POMGNT1: variants seen among roughly 807,000 people sequenced by gnomAD.
POMGNT1 encodes protein O-linked-mannose beta-1,2-N-acetylglucosaminyltransferase 1.
A neutral mutation model predicts 95.6 loss-of-function variants in POMGNT1; 67 were observed. The ratio of observed to expected loss-of-function variants is 0.70; its 90% CI spans 0.58 to 0.86. The LOEUF is 0.86. Among genes scored for constraint, POMGNT1 ranks in the 40% least tolerant of loss-of-function variants. The pLI is 0.00. For synonymous variants in POMGNT1, 298 were observed against 317.9 expected, an observed-to-expected ratio of 0.94 and a Z score of 0.66; for missense variants, 719 against 855.2, an observed-to-expected ratio of 0.84 and a Z score of 1.99.
upstream of POMGNT1, among the ~76,000 whole-genome samples, chr1:46,201,004 G>T (rs1211191084): frequency 6.6e-6 from 1 of 152,132 alleles, no homozygotes; most frequent in Non-Finnish European, 1.5e-5. Flanking sequence ...TGTGGCAGGT[G>T]CCTGTAATTC....
Position 46,189,100 on chromosome 1 carries a change from G to A in POMGNT1, c.*170C>T. 1 of 1,500,932 alleles carries A rather than the reference G, an allele frequency of 6.7e-7. No homozygotes were observed. The highest frequency in any genetic ancestry group is 8.9e-7 in the Non-Finnish European group (1 of 1,129,204). 93.0% of individuals were successfully genotyped at this position (1,500,932 alleles called of 1,614,324 possible). On this transcript the variant is annotated 3_prime_UTR_variant, in exon 22 of 22. Transcript: ENST00000371984. ...TAAATAGACTTTTAACTCAGGAACGGGGTGTTGGAGCAGGGGAACCCTCCC... is the reference window on the plus strand; with the variant it reads ...TAAATAGACTTTTAACTCAGGAACGAGGTGTTGGAGCAGGGGAACCCTCCC...
intron 6 of POMGNT1, chr1:46,195,563 C>G: frequency 1.8e-6 from 1 of 554,620 alleles, no homozygotes; most frequent in Non-Finnish European, 3.3e-6. Flanking sequence ...GGAATATAAG[C>G]TCCATGAGGG....
intron 19 of POMGNT1, 105 bp from the exon 20 acceptor site, chr1:46,190,094 GTTCTT>G: frequency 1.3e-6 from 1 of 768,262 alleles, no homozygotes; most frequent in Non-Finnish European, 2.0e-6. Flanking sequence ...CCACCTTGAA[GTTCTT>G]TTTTTTTTTT....
exon 1 of POMGNT1, chr1:46,220,100 G>T (rs1193685004): frequency 6.2e-7 from 1 of 1,614,106 alleles, no homozygotes; most frequent in African/African-American, 1.3e-5. Context: ...CTGTGTGGAA[G>T]CCCCCAGGGG....
At chr1:46,191,940 C>G (rs545415482) in intron 17 of POMGNT1, 158 bp downstream of exon 17, 1 of 1,263,630 alleles carries the variant, frequency 7.9e-7, no homozygotes, top group Non-Finnish European at 1.1e-6. Flanking sequence ...AGCCCTTTAT[C>G]CTCATTTTTC....
Position 46,190,503 on chromosome 1 carries a change from GCTT to G in POMGNT1, c.1616_1618del (p.Glu539del). 6.2e-7 allele frequency: 1 copy of G among 1,607,198 alleles called. No homozygotes were observed. Among genetic ancestry groups the G allele is most frequent in the South Asian group, 1.1e-5 (1 of 90,946 alleles). The stretch of plus-strand genomic sequence containing the variant: ...CAGCCTGTGAACTTCCACTTCATAA[GCTT>G]CTTTCTTCAGACTGAAGAGGAGGGA... On this transcript the variant is annotated inframe_deletion, in exon 19 of 22. Transcript: ENST00000371984.
Position 46,192,178 on chromosome 1 carries a change from C to T in POMGNT1, c.1459G>A (p.Gly487Ser), listed in dbSNP as rs1018248460. 4 of 1,614,038 alleles carry T rather than the reference C, an allele frequency of 2.5e-6. No individual in the cohort carries two copies. The highest frequency in any genetic ancestry group is 3.4e-6 in the Non-Finnish European group (4 of 1,180,024). The change falls in exon 17 of 22, where the codon GGC becomes AGC. Residue 487 changes from glycine to serine, a missense_variant. By Grantham distance (56) the Gly-to-Ser change is moderately conservative (BLOSUM62 0). Around this residue, in one of 5 missense-constraint regions of POMGNT1, gnomAD observed 118 missense variants for 153.6 expected, o/e 0.77. Transcript: ENST00000371984. ...ACGTCAGGGATGATGCACTCTCGGC[C>T]CCGGCGTTGTTCAGGCATCCGCATC... ...MWMRMPEQRRGRECIIPDVSR... is the reference protein window; with the variant it reads ...MWMRMPEQRRSRECIIPDVSR...
chr1:46,190,416 G>A, intron 19 of POMGNT1, 57 bp downstream of exon 19: 1 of 1,518,146 alleles, frequency 6.6e-7, no homozygotes. Flanking sequence ...ATGGGGCCAA[G>A]ATCCCCAGTA....
At chr1:46,195,780 T>G in intron 6 of POMGNT1, 31 bp downstream of exon 6, 1 of 1,549,902 alleles carries the variant, frequency 6.5e-7, no homozygotes, top group Non-Finnish European at 8.8e-7. Flanking sequence ...AGCTAGGGAG[T>G]AGGGGTCAGG....
At chr1:46,207,948 A>G (rs2148239737) in intron 1 of POMGNT1, among the ~76,000 whole-genome samples, 1 of 151,270 alleles carries the variant, frequency 6.6e-6, no homozygotes, top group South Asian at 2.1e-4. Flanking sequence ...GCTCACTGCA[A>G]CCTCTGCCTC....
In POMGNT1 at chr1:46,190,185, C is replaced by T. The variant is rs187191355; in HGVS notation, c.1650-196G>A. 1.6e-3 allele frequency: 1,096 copies of T among 696,086 alleles called. 12 individuals are homozygous for T. Among genetic ancestry groups the T allele is most frequent in the African/African-American group, 0.013 (727 of 54,878 alleles). 43.1% of individuals were successfully genotyped at this position (696,086 alleles called of 1,614,324 possible). On this transcript the variant is annotated intron_variant, in intron 19 of 21. Transcript: ENST00000371984. The stretch of plus-strand genomic sequence containing the variant: ...TCAGCCTCCCAAGTAGCTGGGACTA[C>T]AGGCGCCTGCCACCACGCCCGGCTA...
intron 2 of POMGNT1, 92 bp downstream of exon 2, chr1:46,197,610 G>A (rs1658347060): frequency 4.4e-6 from 7 of 1,588,496 alleles, no homozygotes; most frequent in Non-Finnish European, 6.0e-6. Flanking sequence ...TTTCCCACTG[G>A]GGCTGGCCAA....
chr1:46,196,177 C>T lies in POMGNT1; in HGVS notation c.355-100G>A. 1 of 1,585,238 alleles carries T rather than the reference C, an allele frequency of 6.3e-7. No individual in the cohort carries two copies. Among genetic ancestry groups the T allele is most frequent in the Non-Finnish European group, 8.6e-7 (1 of 1,168,428 alleles). ...ACACCAGCTGCTTGAAACATCACCT[C>T]CTGCCTATGTTTCTGTTCACACAGT... On this transcript the variant is annotated intron_variant, in intron 4 of 21. Transcript: ENST00000371984. The surrounding 1 kb of genome is among the most constrained non-coding windows in gnomAD (Gnocchi z 4.4).
At chr1:46,205,865 C>G (rs999813824) in intron 1 of POMGNT1, among the ~76,000 whole-genome samples, 1 of 152,230 alleles carries the variant, frequency 6.6e-6, no homozygotes, top group Non-Finnish European at 1.5e-5. Context: ...GATTTGCCTT[C>G]GGGCTACTGA....
chr1:46,192,677 C>G (rs1657879901), intron 14 of POMGNT1, 87 bp from the exon 15 acceptor site: 1 of 1,601,392 alleles, frequency 6.2e-7, no homozygotes, highest in Non-Finnish European at 8.5e-7. Context: ...AGCTGGGTCT[C>G]AGGAGCACCT....
upstream of POMGNT1, chr1:46,203,415 G>T (rs1364354600): frequency 5.5e-6 from 8 of 1,450,044 alleles, no homozygotes; most frequent in Non-Finnish European, 7.3e-6. Context: ...CCCTTTTCAG[G>T]CTTGGGCCCG....
Position 46,212,806 on chromosome 1 carries a change from C to CT in POMGNT1, c.-51+6898dup, listed in dbSNP as rs533319095. Among the ~76,000 whole-genome samples, 20 of 152,104 alleles carry CT rather than the reference C, an allele frequency of 1.3e-4. 1 individual carries two copies. In the South Asian group the frequency reaches 2.9e-3, roughly 22 times the overall value. On this transcript the variant is annotated intron_variant, in intron 1 of 22. Transcript: ENST00000371992. ...ACAGAGTCTCGCTCTGTCGCCCAGG[C>CT]TGGAGTGCAGTGGCATGATCCCAGC...
chr1:46,199,712 T>C (rs1658478246), upstream of POMGNT1, among the ~76,000 whole-genome samples: 1 of 152,206 alleles, frequency 6.6e-6, no homozygotes, highest in Non-Finnish European at 1.5e-5. Flanking sequence ...GAAGACCAGT[T>C]AGATTTTTTT....
At chr1:46,218,925 A>G (rs964170854) in intron 1 of POMGNT1, among the ~76,000 whole-genome samples, 1 of 151,904 alleles carries the variant, frequency 6.6e-6, no homozygotes, top group South Asian at 2.1e-4. Flanking sequence ...TTTTGGCCCA[A>G]TCTACTTCCT....
Sources: allele counts gnomAD v4.1 joint callset (sites outside exome capture counted in the v4.1 genomes callset), GRCh38; gene constraint gnomAD v4.1.1; regional missense constraint gnomAD v4.1.1; non-coding constraint Gnocchi (gnomAD v3.1); transcripts MANE v1.5; gene names NCBI Gene and HGNC (gene_info 2026-07-23, HGNC 2026-07-21).